HAT1: variants seen among roughly 807,000 people sequenced by gnomAD.
HAT1 encodes histone acetyltransferase 1.
In HAT1, 20 loss-of-function variants were observed where a neutral mutation model predicts 56.6. The ratio of observed to expected loss-of-function variants is 0.35; its 90% confidence interval spans 0.25 to 0.51. The LOEUF (loss-of-function observed/expected upper bound fraction) is 0.51. Ranked by LOEUF, HAT1 falls within the 20% of genes least tolerant of loss-of-function variation. HAT1 has a pLI of 0.95. For missense variants in HAT1, 408 were observed against 504.3 expected (o/e 0.81, Z 1.83); for synonymous variants, 146 against 165.5 (o/e 0.88, Z 0.91).
At position 171,965,419 on chromosome 2, in the gene HAT1, G is replaced by A; in HGVS notation, c.391G>A (p.Glu131Lys). ...CACGAATGATTTCCTTTCTTTACTG[G>A]AAAAGGAAGTTGATTTCAAGCCATT... is the stretch of plus-strand genomic sequence containing the variant. Reference protein sequence around the residue: ...TNTNDFLSLLEKEVDFKPFGT... With the variant: ...TNTNDFLSLLKKEVDFKPFGT... The change falls in exon 5 of 11, where the codon GAA becomes AAA. Residue 131 changes from glutamate to lysine, a missense_variant. Glu to Lys is a moderately conservative substitution (Grantham distance 56, BLOSUM62 1). Transcript: ENST00000264108. The A allele has an allele frequency of 6.2e-7, 1 of 1,609,880 alleles. No homozygotes were observed. The highest frequency in any genetic ancestry group is 8.5e-7 in the Non-Finnish European group (1 of 1,176,454).
intron 4 of HAT1, among the ~76,000 whole-genome samples, chr2:171,953,664 T>C (rs989298859): frequency 9.4e-6 from 1 of 106,590 alleles, no homozygotes; most frequent in African/African-American, 3.9e-5. Context: ...AATTAAGGTT[T>C]GAGGGAAGAG....
At chr2:171,933,103 G>A (rs1449421637) in intron 2 of HAT1, among the ~76,000 whole-genome samples, 1 of 152,022 alleles carries the variant, frequency 6.6e-6, no homozygotes, top group Non-Finnish European at 1.5e-5. Flanking sequence ...TGTTGCCGAG[G>A]CTGGAGTGCA....
chr2:171,946,654 C>A, intron 2 of HAT1, 54 bp from the exon 3 acceptor site: 1 of 1,013,404 alleles, frequency 9.9e-7, no homozygotes, highest in Non-Finnish European at 1.6e-6. Context: ...TACCTGTCAC[C>A]TTCAATATCT....
chr2:171,935,316 A>G (rs1452475002), intron 2 of HAT1, among the ~76,000 whole-genome samples: 1 of 149,640 alleles, frequency 6.7e-6, no homozygotes, highest in Non-Finnish European at 1.5e-5. Context: ...GGAGTTCGAG[A>G]CCAGCCTGGC....
At chr2:171,952,096 C>T (rs1294833391) in intron 3 of HAT1, among the ~76,000 whole-genome samples, 2 of 152,130 alleles carry the variant, frequency 1.3e-5, no homozygotes, top group Non-Finnish European at 2.9e-5. Flanking sequence ...TTAAAGTGTA[C>T]AATTCAGTGG....
intron 2 of HAT1, among the ~76,000 whole-genome samples, chr2:171,937,782 G>A (rs535301265): frequency 6.6e-6 from 1 of 152,264 alleles, no homozygotes; most frequent in East Asian, 1.9e-4. Flanking sequence ...AGGAAAAAGG[G>A]TGGCTGAGGG....
At chr2:171,943,033 A>G (rs1322459889) in intron 2 of HAT1, among the ~76,000 whole-genome samples, 2 of 151,222 alleles carry the variant, frequency 1.3e-5, no homozygotes, top group Non-Finnish European at 2.9e-5. Context: ...GAGATGTAGT[A>G]GTTGTGAATT....
chr2:171,982,057 G>A (rs1156935755), intron 10 of HAT1, among the ~76,000 whole-genome samples: 1 of 152,114 alleles, frequency 6.6e-6, no homozygotes, highest in Non-Finnish European at 1.5e-5. Context: ...GAAATTCTGA[G>A]TACAAATAGT....
intron 8 of HAT1, among the ~76,000 whole-genome samples, chr2:171,970,770 G>A (rs1323822476): frequency 2.0e-5 from 3 of 150,186 alleles, no homozygotes; most frequent in African/African-American, 2.4e-5. Flanking sequence ...CTCCGGCCTC[G>A]GCCTCCCCAA....
At position 171,952,946 on chromosome 2, in the gene HAT1, C is replaced by A; in HGVS notation, c.254C>A (p.Thr85Lys). The A allele has an allele frequency of 6.3e-7, 1 of 1,594,402 alleles. No individual in the cohort carries two copies. The highest frequency in any genetic ancestry group is 8.6e-7 in the Non-Finnish European group (1 of 1,162,446). ...TACTATATTGCTGGTAGCCTGTCAA[C>A]AATGTTCCGTGTTGAATATGCATCT... ...LLYYIAGSLS[T>K]MFRVEYASKV... Residue 85 changes from threonine to lysine, a missense_variant, in exon 4 of 11, where the codon ACA becomes AAA. Physicochemically the swap from Thr to Lys is moderately conservative, Grantham distance 78. Coordinates refer to ENST00000264108, the MANE Select transcript of HAT1 (RefSeq NM_003642.4).
intron 4 of HAT1, among the ~76,000 whole-genome samples, chr2:171,955,725 A>G (rs939667622): frequency 6.6e-6 from 1 of 152,138 alleles, no homozygotes; most frequent in Non-Finnish European, 1.5e-5. Flanking sequence ...GAATATATAT[A>G]TAGTCATAAA....
intron 4 of HAT1, among the ~76,000 whole-genome samples, chr2:171,957,306 G>C (rs1472519005): frequency 6.6e-6 from 1 of 152,212 alleles, no homozygotes; most frequent in Non-Finnish European, 1.5e-5. Flanking sequence ...CTTAGGCCTT[G>C]AAACCTAATG....
chr2:171,970,504 T>C (rs1363814747), intron 8 of HAT1, among the ~76,000 whole-genome samples: 1 of 8,606 alleles, frequency 1.2e-4, no homozygotes, highest in Non-Finnish European at 5.0e-4. Context: ...TTCTTTTTTT[T>C]TTTTTTTTTT....
At chr2:171,934,453 T>G (rs1031428705) in intron 2 of HAT1, among the ~76,000 whole-genome samples, 1 of 152,106 alleles carries the variant, frequency 6.6e-6, no homozygotes, top group Non-Finnish European at 1.5e-5. Context: ...CTGCAGTAAG[T>G]TAGAAGGTGT....
chr2:171,934,818 C>T (rs749190495), intron 2 of HAT1, among the ~76,000 whole-genome samples: 10 of 145,424 alleles, frequency 6.9e-5, no homozygotes, highest in South Asian at 2.3e-4. Context: ...TGCAATGGCG[C>T]GATCTCAGCT....
intron 1 of HAT1, among the ~76,000 whole-genome samples, 164 bp from the exon 2 acceptor site, chr2:171,925,373 A>G (rs1686563129): frequency 6.6e-6 from 1 of 152,182 alleles, no homozygotes; most frequent in Non-Finnish European, 1.5e-5. Flanking sequence ...CCCAGCTGGC[A>G]TTCTTAATAC....
At chr2:171,943,231 G>A (rs1485255265) in intron 2 of HAT1, among the ~76,000 whole-genome samples, 3 of 150,842 alleles carry the variant, frequency 2.0e-5, no homozygotes, top group Non-Finnish European at 3.0e-5. Flanking sequence ...GTGAAACCCC[G>A]TCTCTACTAA....
At chr2:171,925,717 T>G (rs914076724) in intron 2 of HAT1, 76 bp downstream of exon 2, 4 of 650,224 alleles carry the variant, frequency 6.2e-6, no homozygotes, top group Non-Finnish European at 1.1e-5. Context: ...AAATTTGAAG[T>G]AAAATTTTAT....
intron 2 of HAT1, among the ~76,000 whole-genome samples, chr2:171,926,881 C>T (rs1686612298): frequency 6.6e-6 from 1 of 151,796 alleles, no homozygotes; most frequent in African/African-American, 2.4e-5. Context: ...TCACAGTAGC[C>T]AAAAAAATGT....
Sources: allele counts gnomAD v4.1 joint callset (sites outside exome capture counted in the v4.1 genomes callset), GRCh38; gene constraint gnomAD v4.1.1; transcripts MANE v1.5; gene names NCBI Gene and HGNC (gene_info 2026-07-23, HGNC 2026-07-21).